Variants in ZNF483 observed in about 807,000 individuals in gnomAD.
ZNF483 encodes zinc finger protein 483, also known as zinc finger protein HIT-10.
ZNF483 carries 9 observed loss-of-function variants against 28.6 expected under a neutral mutation model. That is an observed-to-expected ratio of 0.32 (90% CI 0.19 to 0.55). The LOEUF (loss-of-function observed/expected upper bound fraction) is 0.55, where lower values mean the gene tolerates loss of function less well. Among genes scored for constraint, ZNF483 ranks in the 20% least tolerant of loss-of-function variants. ZNF483 has a pLI of 0.93. For missense variants in ZNF483, 675 were observed against 871.7 expected (o/e 0.77, Z 2.84); for synonymous variants, 322 against 306.2 (o/e 1.05, Z -0.54).
In ZNF483 at chr9:111,535,274, A is replaced by G. The variant is rs554177386; in HGVS notation, c.721+921A>G. Among the ~76,000 whole-genome samples the G allele has an allele frequency of 3.3e-5, 5 of 152,382 alleles. No homozygotes were observed. The East Asian group carries it at 9.6e-4, about 29-fold the overall frequency. On this transcript the variant is annotated intron_variant, in intron 5 of 5. Coordinates refer to ENST00000309235, the MANE Select transcript of ZNF483 (RefSeq NM_133464.5). ...CATTTTTATGGACACTAGAGGACGT[A>G]TCGAAACAAGAGTGTTAACACTGAT...
Position 111,527,988 on chromosome 9 carries a change from G to A in ZNF483, c.412+181G>A, listed in dbSNP as rs1827222809. On this transcript the variant is annotated intron_variant, in intron 2 of 5. Transcript: ENST00000309235. ...GGCAAGCTGTGTAAACTCTCAGAAT[G>A]TAAATATTTTTATCTGTTAAAAAGG... 2.0e-6 allele frequency: 3 copies of A among 1,480,648 alleles called. No individual in the cohort carries two copies. The African/African-American group carries it at 4.3e-5, about 21-fold the overall frequency. The allele number at this position is 1,480,648 out of a possible 1,614,324, so 91.7% of individuals were successfully genotyped here.
At chr9:111,531,701 G>A (rs1032266792) in intron 3 of ZNF483, among the ~76,000 whole-genome samples, 3 of 152,106 alleles carry the variant, frequency 2.0e-5, no homozygotes, top group Non-Finnish European at 4.4e-5. Context: ...TTAAGAGATG[G>A]GGTCTTGTTC....
Position 111,543,214 on chromosome 9 carries a change from C to A in ZNF483, c.*44C>A. On this transcript the variant is annotated 3_prime_UTR_variant, in exon 6 of 6. Transcript: ENST00000309235. Reference sequence around the variant, plus strand: ...GTGGGGGGAATTTAATTCAAATTGTCAGTTACTGAAACCCTGGGATGTAAA... The same window carrying A: ...GTGGGGGGAATTTAATTCAAATTGTAAGTTACTGAAACCCTGGGATGTAAA... 3 of 1,542,498 alleles carry A rather than the reference C, an allele frequency of 1.9e-6. No homozygotes were observed. In the South Asian group the frequency reaches 3.8e-5, roughly 20 times the overall value.
chr9:111,533,743 C>G lies in ZNF483; in HGVS notation c.506C>G (p.Ser169Cys). Residue 169 changes from serine to cysteine, a missense_variant, in exon 4 of 6, where the codon TCT becomes TGT. Transcript: ENST00000309235. ...AAGAGCTGTTTGGTGTTCTAGGAAT[C>G]TATAACATTGAAGGATGTAGCTGTG... ...TVCPNTESCE[S>C]ITLKDVAVNF... 4 of 1,562,042 alleles carry G rather than the reference C, an allele frequency of 2.6e-6. No homozygotes were observed. Among genetic ancestry groups the G allele is most frequent in the Non-Finnish European group, 3.4e-6 (4 of 1,164,330 alleles).
intron 5 of ZNF483, among the ~76,000 whole-genome samples, chr9:111,568,850 G>C (rs770467949): frequency 9.3e-4 from 141 of 152,228 alleles, no homozygotes; most frequent in Middle Eastern, 6.3e-3. Flanking sequence ...ATCCAGGCTA[G>C]AAGGCATGGT....
Position 111,552,241 on chromosome 9 carries a change from A to T in ZNF483, c.*9071A>T, listed in dbSNP as rs576446269. ...TCCTTATAAAATTCTTTTGTAAGTCATCCAGGTAACATTGGTAAAGAAACA... is the reference window on the plus strand; with the variant it reads ...TCCTTATAAAATTCTTTTGTAAGTCTTCCAGGTAACATTGGTAAAGAAACA... On this transcript the variant is annotated 3_prime_UTR_variant, in exon 6 of 6. Transcript: ENST00000309235. Among the ~76,000 whole-genome samples, 1 of 152,336 alleles carries T rather than the reference A, an allele frequency of 6.6e-6. No individual in the cohort carries two copies. Among genetic ancestry groups the T allele is most frequent in the South Asian group, 2.1e-4 (1 of 4,830 alleles).
intron 1 of ZNF483, among the ~76,000 whole-genome samples, chr9:111,526,091 A>T (rs1827179434): frequency 6.6e-6 from 1 of 152,140 alleles, no homozygotes; most frequent in African/African-American, 2.4e-5. Flanking sequence ...AATGAATGCA[A>T]CACAGGGCAG....
At chr9:111,560,126 A>C (rs964706842), downstream of ZNF483, among the ~76,000 whole-genome samples, 1 of 151,528 alleles carries the variant, frequency 6.6e-6, no homozygotes, top group Non-Finnish European at 1.5e-5. Context: ...TGGGTGGATC[A>C]CCTGAGGTCA....
intron 5 of ZNF483, among the ~76,000 whole-genome samples, chr9:111,565,929 G>A: frequency 6.6e-6 from 1 of 152,126 alleles, no homozygotes. Context: ...AAACCCACTA[G>A]GGCTGGGCGC....
At chr9:111,575,493 T>C (rs1172665931) in intron 5 of ZNF483, 1 of 152,200 alleles carries the variant, frequency 6.6e-6, no homozygotes, top group Non-Finnish European at 1.5e-5. Context: ...AGACTGGCAC[T>C]TTTCAATTTC....
chr9:111,576,343 A>AGCTTTCCC (rs1407684300), intron 5 of ZNF483: 1 of 1,613,866 alleles, frequency 6.2e-7, no homozygotes, highest in Admixed American at 1.7e-5. Context: ...GTACTCACTA[A>AGCTTTCCC]GCTTTCCCTG....
At chr9:111,528,692 A>T (rs1263809233) in intron 2 of ZNF483, among the ~76,000 whole-genome samples, 1 of 152,186 alleles carries the variant, frequency 6.6e-6, no homozygotes, top group Non-Finnish European at 1.5e-5. Context: ...GAGTTCTGAG[A>T]TAGGGAAATA....
downstream of ZNF483, among the ~76,000 whole-genome samples, chr9:111,555,998 C>T (rs10817186): frequency 6.6e-6 from 1 of 152,082 alleles, no homozygotes; most frequent in African/African-American, 2.4e-5. Flanking sequence ...CAAGGCAAGT[C>T]CCTTCCACCT....
downstream of ZNF483, among the ~76,000 whole-genome samples, chr9:111,560,133 G>A (rs1828231163): frequency 6.6e-6 from 1 of 151,812 alleles, no homozygotes; most frequent in Non-Finnish European, 1.5e-5. Context: ...ATCACCTGAG[G>A]TCAGGAGGTC....
At chr9:111,529,173 G>A (rs1202201656) in intron 2 of ZNF483, among the ~76,000 whole-genome samples, 1 of 151,280 alleles carries the variant, frequency 6.6e-6, no homozygotes, top group East Asian at 1.9e-4. Flanking sequence ...ATTCTGTAGG[G>A]TGTAACAGTT....
At chr9:111,574,720 C>A in intron 5 of ZNF483, 1 of 1,586,420 alleles carries the variant, frequency 6.3e-7, no homozygotes. Flanking sequence ...GGATCGTGTG[C>A]ATGTGCTCAT....
intron 5 of ZNF483, among the ~76,000 whole-genome samples, chr9:111,534,702 T>TAA (rs1827437454): frequency 6.8e-6 from 1 of 146,962 alleles, no homozygotes; most frequent in Non-Finnish European, 1.5e-5. Flanking sequence ...AGTCTTAGAC[T>TAA]AAAGTGTCGT....
chr9:111,533,567 G>C (rs1827402404), intron 3 of ZNF483, among the ~76,000 whole-genome samples, 172 bp from the exon 4 acceptor site: 1 of 152,094 alleles, frequency 6.6e-6, no homozygotes, highest in Non-Finnish European at 1.5e-5. Flanking sequence ...TGCAGTCCCA[G>C]CTACTGGTGG....
At chr9:111,536,193 A>G (rs1827496441) in intron 5 of ZNF483, among the ~76,000 whole-genome samples, 1 of 151,204 alleles carries the variant, frequency 6.6e-6, no homozygotes, top group Non-Finnish European at 1.5e-5. Flanking sequence ...GCCCGGCCAC[A>G]ATTTATATAT....
Sources: allele counts gnomAD v4.1 joint callset (sites outside exome capture counted in the v4.1 genomes callset), GRCh38; gene constraint gnomAD v4.1.1; transcripts MANE v1.5; gene names NCBI Gene and HGNC (gene_info 2026-07-23, HGNC 2026-07-21).